ME1: variants seen among roughly 807,000 people sequenced by gnomAD.
ME1 encodes NADP-dependent malic enzyme.
A neutral mutation model predicts 66.4 loss-of-function variants in ME1; 74 were observed. That is an observed-to-expected ratio of 1.11 (90% confidence interval 0.92 to 1.35). The LOEUF (loss-of-function observed/expected upper bound fraction) is 1.35, where lower values mean the gene tolerates loss of function less well. Ranked by LOEUF, ME1 falls within the 40% of genes most tolerant of loss-of-function variation. ME1 has a pLI of 0.00. For synonymous variants in ME1, 251 were observed against 235.6 expected (o/e 1.07, Z -0.60); for missense variants, 750 against 694.1 (o/e 1.08, Z -0.90).
chr6:83,353,142 A>T (rs977183960), intron 3 of ME1, among the ~76,000 whole-genome samples: 1 of 152,212 alleles, frequency 6.6e-6, no homozygotes, highest in African/African-American at 2.4e-5. Context: ...ATAGGTTAAC[A>T]TGTTAATCTT....
chr6:83,313,266 G>T (rs959030768), intron 6 of ME1, among the ~76,000 whole-genome samples: 1 of 151,730 alleles, frequency 6.6e-6, no homozygotes, highest in Non-Finnish European at 1.5e-5. Context: ...TATTTTTTTA[G>T]TCTTTGGCAT....
chr6:83,259,534 A>G (rs73749771), intron 6 of ME1, among the ~76,000 whole-genome samples: 7,522 of 152,220 alleles, frequency 0.049, 626 homozygotes, highest in African/African-American at 0.17. Context: ...TGGGGAGATG[A>G]CAAATATTAG....
intron 3 of ME1, among the ~76,000 whole-genome samples, chr6:83,368,849 C>T (rs1031017087): frequency 5.3e-5 from 8 of 152,084 alleles, no homozygotes; most frequent in African/African-American, 1.9e-4. Flanking sequence ...ATTCAGTAAG[C>T]TGAGACTCAA....
chr6:83,357,361 T>C (rs1184948158), intron 3 of ME1, among the ~76,000 whole-genome samples: 1 of 152,212 alleles, frequency 6.6e-6, no homozygotes, highest in East Asian at 1.9e-4. Context: ...CATCCAACTT[T>C]CAATTTATTC....
intron 2 of ME1, among the ~76,000 whole-genome samples, chr6:83,399,675 A>C (rs1769806268): frequency 1.3e-5 from 2 of 152,228 alleles, no homozygotes; most frequent in Non-Finnish European, 2.9e-5. Flanking sequence ...AAACCTCTTC[A>C]TGATATCTGT....
intron 6 of ME1, among the ~76,000 whole-genome samples, chr6:83,274,399 C>A (rs1767138562): frequency 6.6e-6 from 1 of 152,102 alleles, no homozygotes; most frequent in South Asian, 2.1e-4. Flanking sequence ...AGGATTTGAT[C>A]TTTTGGTAGT....
At chr6:83,234,356 A>G (rs1438895081) in intron 9 of ME1, among the ~76,000 whole-genome samples, 2 of 152,134 alleles carry the variant, frequency 1.3e-5, no homozygotes, top group Admixed American at 6.5e-5. Context: ...TCTCCAACCC[A>G]GACACTTATC....
intron 6 of ME1, among the ~76,000 whole-genome samples, chr6:83,275,753 C>T (rs1183580710): frequency 3.2e-5 from 4 of 125,814 alleles, no homozygotes; most frequent in African/African-American, 6.0e-5. Flanking sequence ...GTGTGAGCCA[C>T]GGCGCCCGGC....
intron 6 of ME1, among the ~76,000 whole-genome samples, chr6:83,298,297 G>A (rs1001829316): frequency 3.9e-5 from 6 of 152,038 alleles, no homozygotes; most frequent in South Asian, 2.1e-4. Flanking sequence ...TTTGATTTGC[G>A]TTTCTCTAAC....
At chr6:83,231,828 GCATCT>G (rs2128524513) in intron 9 of ME1, among the ~76,000 whole-genome samples, 1 of 152,050 alleles carries the variant, frequency 6.6e-6, no homozygotes, top group South Asian at 2.1e-4. Context: ...ATTCTATGAT[GCATCT>G]TTTCTCTCTC....
At chr6:83,253,339 T>C (rs978837456) in intron 7 of ME1, among the ~76,000 whole-genome samples, 7 of 152,148 alleles carry the variant, frequency 4.6e-5, no homozygotes, top group South Asian at 2.1e-4. Flanking sequence ...AAGCATTGAA[T>C]AATATGGTCT....
At chr6:83,278,697 A>G (rs1475201632) in intron 6 of ME1, among the ~76,000 whole-genome samples, 3 of 151,902 alleles carry the variant, frequency 2.0e-5, no homozygotes, top group Non-Finnish European at 4.4e-5. Context: ...GGGCTCAGGC[A>G]ATCCTCCCAC....
At position 83,322,604 on chromosome 6, in the gene ME1, G is replaced by GA. The variant is rs1327924978; in HGVS notation, c.601-7192dup. 5.9e-5 allele frequency among the ~76,000 whole-genome samples: 9 copies of GA among 152,198 alleles called. No individual in the cohort carries two copies. The East Asian group carries it at 1.4e-3, about 23-fold the overall frequency. ...AATAAAGTTTGAAGACAAGATTAGA[G>GA]AAAAAATAATGAAAAGGAATGAAGA... is the stretch of plus-strand genomic sequence containing the variant. On this transcript the variant is annotated intron_variant, in intron 5 of 13. Coordinates refer to ENST00000369705, the MANE Select transcript of ME1 (RefSeq NM_002395.6).
chr6:83,369,192 G>T (rs1410989707), intron 3 of ME1, among the ~76,000 whole-genome samples: 1 of 152,088 alleles, frequency 6.6e-6, no homozygotes, highest in African/African-American at 2.4e-5. Flanking sequence ...GAAGAATAGG[G>T]TGATGAATGG....
At chr6:83,276,855 C>G (rs1389649844) in intron 6 of ME1, among the ~76,000 whole-genome samples, 1 of 151,938 alleles carries the variant, frequency 6.6e-6, no homozygotes, top group African/African-American at 2.4e-5. Flanking sequence ...TTTCAGCTTC[C>G]CTGGTCACTT....
intron 6 of ME1, among the ~76,000 whole-genome samples, chr6:83,261,427 T>TTTTC (rs1379882531): frequency 6.6e-6 from 1 of 150,404 alleles, no homozygotes; most frequent in Non-Finnish European, 1.5e-5. Context: ...GTAATTTTTT[T>TTTTC]TTTTTTTTTT....
chr6:83,264,403 G>A (rs1490511399), intron 6 of ME1, among the ~76,000 whole-genome samples: 2 of 152,098 alleles, frequency 1.3e-5, no homozygotes, highest in African/African-American at 4.8e-5. Context: ...ACATAGAGAG[G>A]CAATTTAAAC....
chr6:83,341,354 G>A (rs958656868), intron 5 of ME1, among the ~76,000 whole-genome samples: 1 of 152,122 alleles, frequency 6.6e-6, no homozygotes, highest in Admixed American at 6.6e-5. Context: ...CTGTAACTGT[G>A]AGTACAATAG....
chr6:83,307,009 C>T (rs1049101840), intron 6 of ME1, among the ~76,000 whole-genome samples: 40 of 152,100 alleles, frequency 2.6e-4, no homozygotes, highest in African/African-American at 9.6e-4. Context: ...AAACCATGTT[C>T]AGAATGAAAC....
Sources: gnomAD v4.1 joint callset for allele counts (sites outside exome capture counted in the v4.1 genomes callset) on GRCh38, gnomAD v4.1.1 for gene constraint, MANE v1.5 for transcripts, NCBI Gene and HGNC (gene_info 2026-07-23, HGNC 2026-07-21) for gene names.